The following AP3B2 variants were observed in gnomAD, a reference collection of about 807,000 sequenced individuals.
The protein encoded by AP3B2 is AP-3 complex subunit beta-2.
In AP3B2, 50 loss-of-function variants were observed where a neutral mutation model predicts 126.9. The ratio of observed to expected loss-of-function variants is 0.39; its 90% CI spans 0.31 to 0.50. The LOEUF (loss-of-function observed/expected upper bound fraction) is 0.50, where lower values mean the gene tolerates loss of function less well. Among genes scored for constraint, AP3B2 ranks in the 20% least tolerant of loss-of-function variants. The pLI, the probability that AP3B2 is intolerant of heterozygous loss-of-function variation, is 0.79. For synonymous variants in AP3B2, 541 were observed against 565.0 expected (o/e 0.96, Z 0.60); for missense variants, 1,177 against 1,426.4 (o/e 0.83, Z 2.82).
chr15:82,709,632 G>A lies in AP3B2; in HGVS notation c.75C>T (p.Asp25=), dbSNP rs1458027305. ...AGGAGAAGATGCCGCCGCTCGCGGGGTCGTGGCCGTACTCGGGCTCCCCGG... is the reference window on the plus strand; with the variant it reads ...AGGAGAAGATGCCGCCGCTCGCGGGATCGTGGCCGTACTCGGGCTCCCCGG... ...AGPGEPEYGH[D]PASGGIFSSD... The change falls in exon 1 of 27, where the codon GAC becomes GAT. Residue 25 remains aspartate (D), a synonymous_variant. Transcript: ENST00000535359. 6.6e-7 allele frequency: 1 copy of A among 1,520,382 alleles called. No homozygotes were observed. The highest frequency in any genetic ancestry group is 1.2e-5 in the South Asian group (1 of 81,546). 94.2% of individuals were successfully genotyped at this position (1,520,382 alleles called of 1,614,324 possible). A position where few individuals can be genotyped will look rare whatever the true frequency, so the allele number is the denominator to read the frequency against.
At chr15:82,671,496 T>C (rs1275031023) in intron 14 of AP3B2, among the ~76,000 whole-genome samples, 1 of 152,242 alleles carries the variant, frequency 6.6e-6, no homozygotes, top group Middle Eastern at 3.4e-3. Flanking sequence ...CCCAGCACTT[T>C]GGGAGGCCGA....
intron 14 of AP3B2, among the ~76,000 whole-genome samples, chr15:82,670,069 C>CAAAAAA (rs779045948): frequency 2.7e-5 from 1 of 36,424 alleles, no homozygotes; most frequent in African/African-American, 1.2e-4. Flanking sequence ...ACTCCGTCTC[C>CAAAAAA]AAAAAAAAAA....
Position 82,676,455 on chromosome 15 carries a change from C to T in AP3B2, c.1665+6G>A, listed in dbSNP as rs933466198. ...AGTATCTGGGGGGTCATCTCTTAAT[C>T]TTTACCTGTTTAGAGTTGGTCAGGT... On this transcript the variant is annotated splice_donor_region_variant and intron_variant, in intron 14 of 26. Transcript: ENST00000535359. The T allele has an allele frequency of 1.9e-6, 3 of 1,613,382 alleles. No homozygotes were observed. The highest frequency in any genetic ancestry group is 2.5e-6 in the Non-Finnish European group (3 of 1,179,580).
intron 1 of AP3B2, among the ~76,000 whole-genome samples, chr15:82,698,470 C>T (rs893553928): frequency 1.3e-5 from 2 of 151,776 alleles, no homozygotes; most frequent in Non-Finnish European, 2.9e-5. Flanking sequence ...GAGACACACA[C>T]ACCCCACACA....
In AP3B2 at chr15:82,680,195, T is replaced by C; in HGVS notation, c.1090A>G (p.Thr364Ala). ...VQYVVLQNVA[T>A]MSIKRRGMFE... ...CTCACCCGGCGCTTGATGGACATGG[T>C]GGCCACGTTCTGGAGCACAACGTAC... Residue 364 changes from threonine to alanine, a missense_variant, in exon 9 of 27, where the codon ACC becomes GCC. Physicochemically the swap from Thr to Ala is moderately conservative, Grantham distance 58 (BLOSUM62 0). This residue lies in a region of AP3B2 where 308 missense variants were observed against 452.4 expected (regional missense o/e 0.68). Transcript: ENST00000535359. This position sits in a 1 kb window ranked among gnomAD's most constrained non-coding sequence, Gnocchi z 6.1. 6.2e-7 allele frequency: 1 copy of C among 1,613,388 alleles called. No individual in the cohort carries two copies.
chr15:82,691,361 G>A (rs1247537844), intron 1 of AP3B2, among the ~76,000 whole-genome samples: 1 of 152,178 alleles, frequency 6.6e-6, no homozygotes, highest in African/African-American at 2.4e-5. Context: ...GATGGCCAGT[G>A]ATGATGAGCA....
At chr15:82,670,064 G>A (rs1224288120) in intron 14 of AP3B2, among the ~76,000 whole-genome samples, 4 of 59,694 alleles carry the variant, frequency 6.7e-5, no homozygotes, top group Admixed American at 2.6e-4. Flanking sequence ...GCAAAACTCC[G>A]TCTCCAAAAA....
At chr15:82,706,033 G>A (rs1369934872) in intron 1 of AP3B2, among the ~76,000 whole-genome samples, 2 of 152,142 alleles carry the variant, frequency 1.3e-5, no homozygotes, top group Admixed American at 1.3e-4. Flanking sequence ...TCTTACACAA[G>A]AGCTGGGACC....
chr15:82,692,256 A>G, intron 1 of AP3B2: 3 of 889,670 alleles, frequency 3.4e-6, no homozygotes, highest in Non-Finnish European at 5.2e-6. Context: ...CTTAAGCTTG[A>G]TCTTGCGGAT....
intron 14 of AP3B2, among the ~76,000 whole-genome samples, chr15:82,670,115 C>CGGG (rs1363073908): frequency 3.7e-5 from 2 of 54,524 alleles, no homozygotes; most frequent in Non-Finnish European, 3.3e-5. Flanking sequence ...TTTTTTTTGG[C>CGGG]GGGGGGGGAC....
intron 1 of AP3B2, chr15:82,699,578 C>G: frequency 2.5e-6 from 1 of 399,522 alleles, no homozygotes; most frequent in East Asian, 3.6e-5. Context: ...GTGCAACTGC[C>G]CATCCCTGGC....
chr15:82,671,937 A>G (rs7166248), intron 14 of AP3B2, among the ~76,000 whole-genome samples: 83,678 of 151,642 alleles, frequency 0.55, 23,507 homozygotes, highest in Non-Finnish European at 0.62. Context: ...CCAGCTACTC[A>G]GGAGGCTGAG....
intron 20 of AP3B2, 88 bp from the exon 21 acceptor site, chr15:82,663,708 G>A: frequency 6.9e-6 from 11 of 1,604,330 alleles, no homozygotes; most frequent in Non-Finnish European, 9.4e-6. Context: ...GTTCTGTTCT[G>A]GATGGTAGGG....
intron 23 of AP3B2, 70 bp downstream of exon 23, chr15:82,662,624 A>G: frequency 7.0e-7 from 1 of 1,434,246 alleles, no homozygotes; most frequent in Non-Finnish European, 9.5e-7. Context: ...CAAGGAGGGT[A>G]TCAGCAACCA....
chr15:82,662,091 A>G, intron 24 of AP3B2, 77 bp downstream of exon 24: 1 of 1,423,418 alleles, frequency 7.0e-7, no homozygotes, highest in Non-Finnish European at 9.7e-7. Context: ...ACTAAGCACC[A>G]CCTCCATTTC....
intron 4 of AP3B2, among the ~76,000 whole-genome samples, chr15:82,683,445 C>G: frequency 6.6e-6 from 1 of 152,138 alleles, no homozygotes; most frequent in African/African-American, 2.4e-5. Context: ...TGCAGCAATT[C>G]AGTCACATCT....
At chr15:82,685,030 C>G (rs1011920460) in intron 4 of AP3B2, 18 of 152,124 alleles carry the variant, frequency 1.2e-4, no homozygotes, top group Admixed American at 8.5e-4. Flanking sequence ...ATTGTTGTGT[C>G]TCAGGGAATG....
intron 1 of AP3B2, among the ~76,000 whole-genome samples, chr15:82,690,267 T>G (rs1257560595): frequency 6.6e-6 from 1 of 152,034 alleles, no homozygotes; most frequent in African/African-American, 2.4e-5. Context: ...TTTTTTTTAA[T>G]TATACTTTTA....
In AP3B2 at chr15:82,662,319, G is replaced by T. The variant is rs1192774894; in HGVS notation, c.2834-67C>A. 2.4e-6 allele frequency: 3 copies of T among 1,234,114 alleles called. No individual in the cohort carries two copies. The African/African-American group carries it at 4.5e-5, about 18-fold the overall frequency. The allele number at this position is 1,234,114 out of a possible 1,614,324, so 76.4% of individuals were successfully genotyped here. A position where few individuals can be genotyped will look rare whatever the true frequency, so the allele number is the denominator to read the frequency against. On this transcript the variant is annotated intron_variant, in intron 23 of 26. Transcript: ENST00000535359. ...CATCACCTGATAGGTCTAGAACCCA[G>T]CCTAGCCCTACTCTCCTCTCCACTG...
Sources: allele counts gnomAD v4.1 joint callset (sites outside exome capture counted in the v4.1 genomes callset), GRCh38; gene constraint gnomAD v4.1.1; regional missense constraint gnomAD v4.1.1; non-coding constraint Gnocchi (gnomAD v3.1); transcripts MANE v1.5; gene names NCBI Gene and HGNC (gene_info 2026-07-23, HGNC 2026-07-21).